Variants in NRG1 observed in about 807,000 individuals in gnomAD.
The protein encoded by NRG1 is pro-neuregulin-1, membrane-bound isoform.
A neutral mutation model predicts 63.8 loss-of-function variants in NRG1; 18 were observed. The ratio of observed to expected loss-of-function variants is 0.28; its 90% confidence interval spans 0.19 to 0.42. The LOEUF is 0.42. NRG1 is among the 10% of genes least tolerant of loss of function. NRG1 has a pLI of 1.00. For synonymous variants in NRG1, 302 were observed against 301.3 expected, an observed-to-expected ratio of 1.00 and a Z score of -0.02; for missense variants, 762 against 814.7, an observed-to-expected ratio of 0.94 and a Z score of 0.79.
At chr8:31,665,334 C>A (rs1268383892) in intron 1 of NRG1, among the ~76,000 whole-genome samples, 8 of 152,182 alleles carry the variant, frequency 5.3e-5, no homozygotes, top group Admixed American at 5.2e-4. Flanking sequence ...GCCTTTATGA[C>A]CTTCTATACA....
At chr8:32,168,317 G>A (rs1839623140) in intron 1 of NRG1, among the ~76,000 whole-genome samples, 1 of 152,184 alleles carries the variant, frequency 6.6e-6, no homozygotes, top group South Asian at 2.1e-4. Flanking sequence ...CATGTATCAG[G>A]CATGGGGATA....
intron 1 of NRG1, among the ~76,000 whole-genome samples, chr8:31,709,980 A>C (rs1473778385): frequency 6.6e-6 from 1 of 151,488 alleles, no homozygotes; most frequent in East Asian, 1.9e-4. Context: ...CTTTTCTATA[A>C]ATTTCATTCA....
intron 1 of NRG1, among the ~76,000 whole-genome samples, chr8:31,813,929 T>C (rs559227707): frequency 6.6e-6 from 1 of 152,292 alleles, no homozygotes; most frequent in African/African-American, 2.4e-5. Flanking sequence ...ATTTCACAAA[T>C]TAATAAGCAA....
chr8:32,712,759 A>G (rs1385901787), intron 5 of NRG1, among the ~76,000 whole-genome samples: 1 of 152,076 alleles, frequency 6.6e-6, no homozygotes, highest in Non-Finnish European at 1.5e-5. Flanking sequence ...GCCACGCCTG[A>G]TATTTCCTAC....
intron 1 of NRG1, among the ~76,000 whole-genome samples, chr8:32,586,119 T>C (rs1841563004): frequency 6.8e-6 from 1 of 147,498 alleles, no homozygotes; most frequent in Non-Finnish European, 1.5e-5. Flanking sequence ...TACTCAAGTA[T>C]CAGCTATTAT....
intron 1 of NRG1, among the ~76,000 whole-genome samples, chr8:32,414,114 A>G (rs1209407155): frequency 6.6e-6 from 1 of 152,116 alleles, no homozygotes; most frequent in Non-Finnish European, 1.5e-5. Flanking sequence ...TTGTTGATGG[A>G]AGTCCTAATG....
intron 1 of NRG1, among the ~76,000 whole-genome samples, chr8:32,454,348 A>G (rs527450897): frequency 4.5e-4 from 69 of 152,284 alleles, no homozygotes; most frequent in African/African-American, 1.6e-3. Flanking sequence ...TAAAAACAGT[A>G]TAATAGGATT....
At chr8:32,426,010 A>G (rs893158291) in intron 1 of NRG1, among the ~76,000 whole-genome samples, 3 of 152,160 alleles carry the variant, frequency 2.0e-5, no homozygotes, top group African/African-American at 7.2e-5. Context: ...CGCTCTACAT[A>G]ATGGCTATAA....
intron 1 of NRG1, among the ~76,000 whole-genome samples, chr8:32,271,642 CAA>C (rs1291392991): frequency 6.6e-6 from 1 of 152,092 alleles, no homozygotes. Flanking sequence ...CCCCCCACAC[CAA>C]AGACACACAG....
chr8:32,716,350 A>G (rs970385849), intron 5 of NRG1, among the ~76,000 whole-genome samples: 7 of 152,224 alleles, frequency 4.6e-5, no homozygotes, highest in Admixed American at 3.3e-4. Flanking sequence ...AAGAATGAAC[A>G]CAGCCTACCA....
chr8:32,726,106 A>G (rs1359737002), intron 5 of NRG1, among the ~76,000 whole-genome samples: 1 of 152,170 alleles, frequency 6.6e-6, no homozygotes, highest in African/African-American at 2.4e-5. Context: ...TGTTGGAGTA[A>G]TAAAAAATTA....
chr8:32,352,967 G>T (rs934081222), intron 1 of NRG1, among the ~76,000 whole-genome samples: 2 of 149,670 alleles, frequency 1.3e-5, no homozygotes, highest in African/African-American at 4.9e-5. Flanking sequence ...TATATACAGA[G>T]AGAGAGAGAC....
At chr8:32,287,820 T>C (rs1220226626) in intron 1 of NRG1, among the ~76,000 whole-genome samples, 9 of 152,240 alleles carry the variant, frequency 5.9e-5, no homozygotes, top group Admixed American at 5.9e-4. Flanking sequence ...TTGCTTAATT[T>C]GCTTGTTTTA....
In NRG1 at chr8:32,505,507, C is replaced by T. The variant is rs116462349; in HGVS notation, c.38-90321C>T. 8.4e-3 allele frequency among the ~76,000 whole-genome samples: 1,274 copies of T among 152,260 alleles called. 17 individuals carry two copies. The highest frequency in any genetic ancestry group is 0.029 in the African/African-American group (1,216 of 41,546). On this transcript the variant is annotated intron_variant, in intron 1 of 10. Coordinates refer to the NRG1 transcript ENST00000519301. ...CAAAACCAGTAAGACTTTTATGACT[C>T]AAAACCAATCATCCATTTTATGGTT...
chr8:32,728,384 G>A (rs1345252851), intron 6 of NRG1: 4 of 985,030 alleles, frequency 4.1e-6, no homozygotes, highest in South Asian at 4.7e-5. Context: ...GAAAAGATGT[G>A]CAGATATCAC....
In NRG1 at chr8:32,742,223, C is replaced by T. The variant is rs990304844; in HGVS notation, c.633-452C>T. The T allele has an allele frequency of 1.5e-6, 1 of 675,724 alleles. No individual in the cohort carries two copies. The highest frequency in any genetic ancestry group is 2.5e-5 in the Admixed American group (1 of 39,826). The allele number at this position is 675,724 out of a possible 1,614,324, so 41.9% of individuals were successfully genotyped here. On this transcript the variant is annotated intron_variant, in intron 6 of 11. Transcript: ENST00000356819. The surrounding 1 kb of genome is among the most constrained non-coding windows in gnomAD (Gnocchi z 4.2). Reference sequence around the variant, plus strand: ...AAGGCATAAACCCATTCAGTGTTACCTTATTTAACTGTCTCTCAAAGTGGG... The same window carrying T: ...AAGGCATAAACCCATTCAGTGTTACTTTATTTAACTGTCTCTCAAAGTGGG...
intron 1 of NRG1, among the ~76,000 whole-genome samples, chr8:31,833,623 C>T (rs757738897): frequency 6.6e-6 from 1 of 152,140 alleles, no homozygotes; most frequent in Non-Finnish European, 1.5e-5. Flanking sequence ...CTATTGTTAG[C>T]TAAAGTTACC....
At chr8:32,053,943 T>A (rs933028920) in intron 1 of NRG1, among the ~76,000 whole-genome samples, 8 of 152,208 alleles carry the variant, frequency 5.3e-5, no homozygotes, top group African/African-American at 1.7e-4. Flanking sequence ...TTGGTTATAT[T>A]TTCCTGATTA....
intron 1 of NRG1, among the ~76,000 whole-genome samples, chr8:32,371,992 A>ATTTTTTTTTTTTTTTTTTTTTTTTTTTTT (rs60780562): frequency 7.7e-6 from 1 of 129,420 alleles, no homozygotes; most frequent in Admixed American, 8.5e-5. Context: ...CTTCTTCTTC[A>ATTTTTTTTTTTTTTTTTTTTTTTTTTTTT]TTTTTTTTTT....
Sources: gnomAD v4.1 joint callset for allele counts (sites outside exome capture counted in the v4.1 genomes callset) on GRCh38, gnomAD v4.1.1 for gene constraint, Gnocchi (gnomAD v3.1) non-coding constraint, MANE v1.5 for transcripts, NCBI Gene and HGNC (gene_info 2026-07-23, HGNC 2026-07-21) for gene names.